LONP2: variants seen among roughly 807,000 people sequenced by gnomAD.
LONP2 encodes lon peptidase 2, peroxisomal, also known as lon protease homolog 2, peroxisomal.
Under a neutral mutation model 85.6 loss-of-function variants are expected in LONP2, and 60 were observed. That is an observed-to-expected ratio of 0.70 (90% confidence interval 0.57 to 0.87). The LOEUF (loss-of-function observed/expected upper bound fraction) is 0.87. Ranked by LOEUF, LONP2 falls within the 40% of genes least tolerant of loss-of-function variation. The pLI, the probability that LONP2 is intolerant of heterozygous loss-of-function variation, is 0.00. For synonymous variants in LONP2, 395 were observed against 389.7 expected (o/e 1.01, Z -0.16); for missense variants, 860 against 1,063.5 (o/e 0.81, Z 2.66).
Position 48,351,790 on chromosome 16 carries a change from T to C in LONP2, c.2547T>C (p.Asn849=). The part of the protein sequence containing the change: ...FTVKTRPGLL[N]SKL Reference sequence around the variant, plus strand: ...TCAAGACCAGACCTGGTCTGTTAAATAGCAAACTGTAGGTCCAAATCTCAA... The same window carrying C: ...TCAAGACCAGACCTGGTCTGTTAAACAGCAAACTGTAGGTCCAAATCTCAA... The change falls in exon 15 of 15, where the codon AAT becomes AAC. Residue 849 remains asparagine (N), a synonymous_variant. Transcript: ENST00000285737. 2 of 1,613,818 alleles carry C rather than the reference T, an allele frequency of 1.2e-6. No homozygotes were observed. The highest frequency in any genetic ancestry group is 1.7e-6 in the Non-Finnish European group (2 of 1,179,752).
At position 48,270,136 on chromosome 16, in the gene LONP2, G is replaced by A; in HGVS notation, c.1103G>A (p.Gly368Asp). The part of the protein sequence containing the change: ...AVRQLKNNLK[G>D]PILCFVGPPG... ...AGACAGCTCAAAAATAACCTGAAGG[G>A]CCCAATCCTATGCTTTGTTGGCCCT... Residue 368 changes from glycine (G) to aspartate (D), a missense_variant, in exon 7 of 15, where the codon GGC becomes GAC. Around this residue, in one of 3 missense-constraint regions of LONP2, gnomAD observed 743 missense variants for 917.3 expected, o/e 0.81. Transcript: ENST00000285737. The A allele has an allele frequency of 6.2e-7, 1 of 1,613,970 alleles. No individual in the cohort carries two copies. The highest frequency in any genetic ancestry group is 8.5e-7 in the Non-Finnish European group (1 of 1,179,976).
intron 1 of LONP2, among the ~76,000 whole-genome samples, chr16:48,245,890 C>T (rs968881299): frequency 1.1e-4 from 16 of 152,154 alleles, no homozygotes; most frequent in South Asian, 6.2e-4. Flanking sequence ...GCCAAGCACC[C>T]GCCTCCTATT....
intron 11 of LONP2, among the ~76,000 whole-genome samples, chr16:48,326,102 A>G (rs1329078832): frequency 6.6e-6 from 1 of 152,186 alleles, no homozygotes; most frequent in Non-Finnish European, 1.5e-5. Context: ...CCAGCATTTA[A>G]TGTTCTGTTT....
intron 11 of LONP2, among the ~76,000 whole-genome samples, chr16:48,324,102 T>C (rs1370544046): frequency 6.6e-6 from 1 of 152,192 alleles, no homozygotes; most frequent in Non-Finnish European, 1.5e-5. Context: ...TTTCAAAAGA[T>C]ACTTTGCTTT....
chr16:48,331,453 A>G (rs1959443662), intron 11 of LONP2, among the ~76,000 whole-genome samples: 2 of 152,258 alleles, frequency 1.3e-5, no homozygotes. Context: ...GGTCAGGCCA[A>G]ACCTTGAAAT....
intron 11 of LONP2, among the ~76,000 whole-genome samples, chr16:48,325,675 C>A (rs923804502): frequency 6.6e-6 from 1 of 152,186 alleles, no homozygotes; most frequent in Non-Finnish European, 1.5e-5. Context: ...TGGATGCTTA[C>A]GTTGATTCCA....
In LONP2 at chr16:48,303,282, G is replaced by A. The variant is rs777204607; in HGVS notation, c.1772G>A (p.Arg591His). The A allele has an allele frequency of 5.1e-5, 82 of 1,613,950 alleles. No homozygotes were observed. The highest frequency in any genetic ancestry group is 6.5e-5 in the Non-Finnish European group (77 of 1,179,964). ...CAGCATAAGGAAGCCAAGTTGGACC[G>A]TTCTGATGTGACTGAGAGAGAAGGT... is the stretch of plus-strand genomic sequence containing the variant. ...EGQHKEAKLD[R>H]SDVTEREGCR... The change falls in exon 11 of 15, where the codon CGT becomes CAT. Residue 591 changes from arginine (R) to histidine (H), a missense_variant. Coordinates refer to ENST00000285737, the MANE Select transcript of LONP2 (RefSeq NM_031490.5).
intron 8 of LONP2, among the ~76,000 whole-genome samples, chr16:48,293,992 A>G (rs558891142): frequency 6.6e-6 from 1 of 152,246 alleles, no homozygotes; most frequent in Non-Finnish European, 1.5e-5. Flanking sequence ...GCTGGAGTGC[A>G]GTGGCGTGAT....
At chr16:48,340,819 G>C (rs1959788333) in intron 12 of LONP2, among the ~76,000 whole-genome samples, 1 of 152,072 alleles carries the variant, frequency 6.6e-6, no homozygotes, top group Admixed American at 6.6e-5. Context: ...CCGGAAGGCT[G>C]AGGTGGGATC....
At chr16:48,319,004 C>T (rs1046420352) in intron 11 of LONP2, among the ~76,000 whole-genome samples, 5 of 151,216 alleles carry the variant, frequency 3.3e-5, no homozygotes, top group Admixed American at 2.0e-4. Flanking sequence ...CTATTCTTCT[C>T]CAAATCTGAA....
downstream of LONP2, chr16:48,362,108 T>C: frequency 3.1e-6 from 5 of 1,614,220 alleles, no homozygotes; most frequent in Non-Finnish European, 4.2e-6. This position sits in a 1 kb window ranked among gnomAD's most constrained non-coding sequence, Gnocchi z 4.2. Context: ...GTGGCAGAGT[T>C]ATTTCACATC....
chr16:48,316,359 C>T (rs1323664858), intron 11 of LONP2, among the ~76,000 whole-genome samples: 1 of 143,582 alleles, frequency 7.0e-6, no homozygotes, highest in Non-Finnish European at 1.5e-5. Flanking sequence ...CGGAGTCTCG[C>T]CCTGTTGCTC....
chr16:48,266,043 G>A (rs558251832), intron 6 of LONP2, among the ~76,000 whole-genome samples: 25 of 151,662 alleles, frequency 1.6e-4, no homozygotes, highest in African/African-American at 5.1e-4. Context: ...CACTCTTGTC[G>A]CCCAGGCTGG....
At chr16:48,248,715 G>A (rs990277091) in intron 1 of LONP2, among the ~76,000 whole-genome samples, 1 of 151,950 alleles carries the variant, frequency 6.6e-6, no homozygotes, top group African/African-American at 2.4e-5. Flanking sequence ...AGGGCTTTGA[G>A]TAAAAAAATT....
At chr16:48,279,059 A>G (rs1245882226) in intron 8 of LONP2, among the ~76,000 whole-genome samples, 1 of 152,120 alleles carries the variant, frequency 6.6e-6, no homozygotes, top group Non-Finnish European at 1.5e-5. Context: ...AATATATCTT[A>G]TCTCCATGAG....
At chr16:48,360,209 G>C (rs1403536349), downstream of LONP2, among the ~76,000 whole-genome samples, 2 of 152,270 alleles carry the variant, frequency 1.3e-5, no homozygotes, top group Non-Finnish European at 2.9e-5. Flanking sequence ...AAGTCTGGTT[G>C]CAGAACCAAG....
intron 7 of LONP2, among the ~76,000 whole-genome samples, chr16:48,273,761 TG>T (rs1023501768): frequency 6.6e-6 from 1 of 152,148 alleles, no homozygotes; most frequent in African/African-American, 2.4e-5. Context: ...ATTTGTTCTT[TG>T]GTAAAAAGAA....
intron 9 of LONP2, among the ~76,000 whole-genome samples, chr16:48,298,626 G>GGGGGGTGTGTGT (rs565121093): frequency 4.5e-5 from 6 of 134,320 alleles, no homozygotes; most frequent in African/African-American, 1.7e-4. Flanking sequence ...ATTTAATTGA[G>GGGGGGTGTGTGT]GTGTGTGTGT....
At chr16:48,268,364 A>G (rs1972034001) in intron 6 of LONP2, among the ~76,000 whole-genome samples, 1 of 152,106 alleles carries the variant, frequency 6.6e-6, no homozygotes, top group Admixed American at 6.5e-5. Flanking sequence ...ACCTTACTGA[A>G]TGTGTTAATC....
Sources: allele counts gnomAD v4.1 joint callset (sites outside exome capture counted in the v4.1 genomes callset), GRCh38; gene constraint gnomAD v4.1.1; regional missense constraint gnomAD v4.1.1; non-coding constraint Gnocchi (gnomAD v3.1); transcripts MANE v1.5; gene names NCBI Gene and HGNC (gene_info 2026-07-23, HGNC 2026-07-21).